The following ROS1 variants were observed in gnomAD, a reference collection of about 807,000 sequenced individuals.
The protein encoded by ROS1 is ROS proto-oncogene 1, receptor tyrosine kinase.
In ROS1, 263 loss-of-function variants were observed where a neutral mutation model predicts 273.5. The observed-to-expected ratio is 0.96, with a 90% CI of 0.87 to 1.06. The LOEUF is 1.06. ROS1 is among the 50% of genes least tolerant of loss of function. The probability of loss-of-function intolerance (pLI) is 0.00; values close to 1 mark genes in which losing one functional copy is unlikely to be tolerated. For synonymous variants in ROS1, 1,008 were observed against 954.1 expected, an observed-to-expected ratio of 1.06 and a Z score of -1.04; for missense variants, 2,833 against 2,751.1, an observed-to-expected ratio of 1.03 and a Z score of -0.67.
In ROS1 at chr6:117,337,261, TG is replaced by T. The variant is rs770282163; in HGVS notation, c.5140del (p.Gln1714AsnfsTer10). 1.2e-6 allele frequency: 2 copies of T among 1,612,508 alleles called. No homozygotes were observed. Among genetic ancestry groups the T allele is most frequent in the Non-Finnish European group, 1.7e-6 (2 of 1,178,922 alleles). ...TCTGACATTATATGAAGTATAAGGT[TG>T]TAGATTTGTGATATTACAGACATAA... ...PAYVCNITNL[Q>X]PYTSYNVRVV... is the part of the protein sequence containing the mutation. On this transcript the variant is annotated frameshift_variant, in exon 32 of 44. Coordinates refer to ENST00000368507, the MANE Select transcript of ROS1 (RefSeq NM_001378902.1). LOFTEE classifies it high-confidence loss of function.
At chr6:117,397,489 A>C (rs1297068624) in intron 7 of ROS1, among the ~76,000 whole-genome samples, 1 of 152,194 alleles carries the variant, frequency 6.6e-6, no homozygotes, top group East Asian at 1.9e-4. Flanking sequence ...AACTGGAGTC[A>C]ATGATCGACG....
Position 117,344,165 on chromosome 6 carries a change from T to A in ROS1, c.4401A>T (p.Thr1467=). 7 of 1,614,042 alleles carry A rather than the reference T, an allele frequency of 4.3e-6. No homozygotes were observed. The highest frequency in any genetic ancestry group is 5.9e-6 in the Non-Finnish European group (7 of 1,179,950). ...TGGTGATGCCATACCATGTGAGGTT[T>A]GTCTTGGCCAGAGGTAATCTGATTG... ...SLTIRLPLAK[T]NLTWYGITSP... The change falls in exon 28 of 44, where the codon ACA becomes ACT. Residue 1467 remains threonine (T), a synonymous_variant. Transcript: ENST00000368507.
At chr6:117,352,913 T>A (rs1778989778) in intron 27 of ROS1, 77 bp downstream of exon 27, 3 of 1,357,620 alleles carry the variant, frequency 2.2e-6, no homozygotes, top group Non-Finnish European at 3.1e-6. Flanking sequence ...AGGGACAGCC[T>A]TGGAGAAGGA....
intron 35 of ROS1, 95 bp downstream of exon 35, chr6:117,324,237 T>G: frequency 1.5e-6 from 1 of 685,768 alleles, no homozygotes; most frequent in Non-Finnish European, 2.6e-6. Flanking sequence ...CAGGCAATAT[T>G]TCATGTGGGA....
intron 5 of ROS1, among the ~76,000 whole-genome samples, chr6:117,408,594 G>A (rs1268376478): frequency 1.3e-5 from 2 of 152,188 alleles, no homozygotes; most frequent in African/African-American, 4.8e-5. Context: ...GGAGAAATAG[G>A]AACACTTTTA....
At chr6:117,404,236 T>C (rs376456253) in intron 6 of ROS1, 44 bp downstream of exon 6, 32 of 1,478,126 alleles carry the variant, frequency 2.2e-5, no homozygotes, top group Non-Finnish European at 2.8e-5. Flanking sequence ...AAAAAAAAAA[T>C]TGGGAAGGGG....
chr6:117,353,168 TG>T lies in ROS1; in HGVS notation c.4127-3del. The T allele has an allele frequency of 6.3e-7, 1 of 1,599,086 alleles. No homozygotes were observed. The highest frequency in any genetic ancestry group is 8.5e-7 in the Non-Finnish European group (1 of 1,172,244). On this transcript the variant is annotated splice_polypyrimidine_tract_variant and splice_region_variant and intron_variant, in intron 26 of 43. Coordinates refer to ENST00000368507, the MANE Select transcript of ROS1 (RefSeq NM_001378902.1). ...CAGTTAAGCTAACAAGGGTTTTTCC[TG>T]CTGTTAAAAACATAAGGAATATAAA...
chr6:117,348,754 T>TG (rs1778577858), intron 27 of ROS1, among the ~76,000 whole-genome samples: 1 of 152,008 alleles, frequency 6.6e-6, no homozygotes, highest in Non-Finnish European at 1.5e-5. Context: ...CTCTAAGCAC[T>TG]GATTTTACTG....
chr6:117,294,156 C>T (rs1250963878), intron 43 of ROS1, among the ~76,000 whole-genome samples: 2 of 152,028 alleles, frequency 1.3e-5, no homozygotes, highest in East Asian at 1.9e-4. Context: ...AGGAACATAT[C>T]TCAAAATAAT....
In ROS1 at chr6:117,288,733, T is replaced by C; in HGVS notation, c.6785A>G (p.Asn2262Ser). The change falls in exon 44 of 44, where the codon AAC becomes AGC. Residue 2262 changes from asparagine (N) to serine (S), a missense_variant. Transcript: ENST00000368507. ...TACCATATAGTTTAACCCTTCTCGG[T>C]TCTTCGTTTCCATTAAAGCAACTGG... ...IMPVALMETK[N>S]REGLNYMVLA... The C allele has an allele frequency of 6.2e-7, 1 of 1,614,028 alleles. No homozygotes were observed. Among genetic ancestry groups the C allele is most frequent in the Non-Finnish European group, 8.5e-7 (1 of 1,179,976 alleles).
At chr6:117,342,884 C>G (rs1778055661) in intron 28 of ROS1, among the ~76,000 whole-genome samples, 1 of 152,054 alleles carries the variant, frequency 6.6e-6, no homozygotes, top group South Asian at 2.1e-4. Context: ...TATGTGAATA[C>G]AATAAAATAT....
Position 117,301,212 on chromosome 6 carries a change from T to C in ROS1, c.6552-75A>G, listed in dbSNP as rs1774698587. 20 of 1,282,370 alleles carry C rather than the reference T, an allele frequency of 1.6e-5. No homozygotes were observed. The South Asian group carries it at 2.1e-4, about 14-fold the overall frequency. The allele number at this position is 1,282,370 out of a possible 1,614,324, so 79.4% of individuals were successfully genotyped here. ...ACTGATAACCCAGGTAGGGTCATTT[T>C]AGAAAGGAAAGAATCTGAGTTATTG... On this transcript the variant is annotated intron_variant, in intron 42 of 43. Transcript: ENST00000368507.
chr6:117,326,483 C>T (rs2128582623), intron 33 of ROS1, 69 bp from the exon 34 acceptor site: 1 of 972,820 alleles, frequency 1.0e-6, no homozygotes, highest in East Asian at 3.0e-5. Flanking sequence ...GTTCATAGAT[C>T]TTCTTAGTGA....
At chr6:117,402,510 T>G (rs375896592) in intron 7 of ROS1, among the ~76,000 whole-genome samples, 16 of 152,280 alleles carry the variant, frequency 1.1e-4, no homozygotes, top group African/African-American at 3.9e-4. Flanking sequence ...AATATTCCTC[T>G]TACTATAGCA....
intron 35 of ROS1, among the ~76,000 whole-genome samples, chr6:117,323,241 T>C (rs1582619425): frequency 6.6e-6 from 1 of 152,152 alleles, no homozygotes; most frequent in African/African-American, 2.4e-5. Flanking sequence ...GTGGAATCTT[T>C]GAAAAAAATC....
In ROS1 at chr6:117,394,715, A is replaced by G. The variant is rs755256160; in HGVS notation, c.907T>C (p.Phe303Leu). 3.1e-6 allele frequency: 5 copies of G among 1,611,312 alleles called. No individual in the cohort carries two copies. The Admixed American group carries it at 8.4e-5, about 27-fold the overall frequency. Residue 303 changes from phenylalanine (F) to leucine (L), a missense_variant, in exon 10 of 44, where the codon TTT becomes CTT. Transcript: ENST00000368507. ...CTTAGAGAAGTTTTTCTGGATAAAAAGAGCCACTGTTCCTCTTGTTGAACT... is the reference window on the plus strand; with the variant it reads ...CTTAGAGAAGTTTTTCTGGATAAAAGGAGCCACTGTTCCTCTTGTTGAACT... ...SAVQQEEQWL[F>L]LSRKTSLRKR...
chr6:117,406,533 T>A (rs1186250716), intron 5 of ROS1, among the ~76,000 whole-genome samples: 1 of 152,174 alleles, frequency 6.6e-6, no homozygotes, highest in East Asian at 1.9e-4. Flanking sequence ...AATAAAGCAT[T>A]GATTACACTT....
chr6:117,352,580 C>A (rs955628627), intron 27 of ROS1, among the ~76,000 whole-genome samples: 1 of 152,142 alleles, frequency 6.6e-6, no homozygotes, highest in Admixed American at 6.5e-5. Flanking sequence ...ATACCTAATA[C>A]TGCATACTGC....
chr6:117,289,556 C>A (rs563876944), intron 43 of ROS1, among the ~76,000 whole-genome samples: 1 of 152,116 alleles, frequency 6.6e-6, no homozygotes, highest in Non-Finnish European at 1.5e-5. Context: ...TTTATAAGAA[C>A]GTATGAACTA....
Sources: gnomAD v4.1 joint callset for allele counts (sites outside exome capture counted in the v4.1 genomes callset) on GRCh38, gnomAD v4.1.1 for gene constraint, MANE v1.5 for transcripts, NCBI Gene and HGNC (gene_info 2026-07-23, HGNC 2026-07-21) for gene names.